Variants in MYBPC1 observed in about 807,000 individuals in gnomAD.
The protein encoded by MYBPC1 is myosin binding protein C1, also known as myosin-binding protein C, slow-type.
Under a neutral mutation model 147.1 loss-of-function variants are expected in MYBPC1, and 52 were observed. The observed-to-expected ratio is 0.35, with a 90% CI of 0.28 to 0.45. The LOEUF (loss-of-function observed/expected upper bound fraction) is 0.45, where lower values mean the gene tolerates loss of function less well. Among genes scored for constraint, MYBPC1 ranks in the 20% least tolerant of loss-of-function variants. MYBPC1 has a pLI of 1.00. For missense variants in MYBPC1, 1,228 were observed against 1,440.3 expected (o/e 0.85, Z 2.39); for synonymous variants, 477 against 475.9 (o/e 1.00, Z -0.03).
In MYBPC1 at chr12:101,642,399, C is replaced by A; in HGVS notation, c.666-20C>A. 2 of 1,613,782 alleles carry A rather than the reference C, an allele frequency of 1.2e-6. No homozygotes were observed. Among genetic ancestry groups the A allele is most frequent in the South Asian group, 2.2e-5 (2 of 90,922 alleles). Reference sequence around the variant, plus strand: ...GGGTCAGTGCAGCTACTAAACTAGACCATGGTTCTCCCCGGTTAGGGAGGT... The same window carrying A: ...GGGTCAGTGCAGCTACTAAACTAGAACATGGTTCTCCCCGGTTAGGGAGGT... On this transcript the variant is annotated intron_variant, in intron 10 of 31. Coordinates refer to ENST00000361466, the MANE Select transcript of MYBPC1 (RefSeq NM_002465.4).
chr12:101,678,017 T>A, intron 27 of MYBPC1, 85 bp from the exon 28 acceptor site: 1 of 1,506,226 alleles, frequency 6.6e-7, no homozygotes. Flanking sequence ...AGGGAAGTTT[T>A]AATCATGTGT....
chr12:101,607,857 C>T (rs531710545), intron 1 of MYBPC1, among the ~76,000 whole-genome samples: 26 of 152,082 alleles, frequency 1.7e-4, no homozygotes, highest in Non-Finnish European at 3.2e-4. Context: ...AATTTTAAGA[C>T]GTAAGATTTC....
intron 3 of MYBPC1, among the ~76,000 whole-genome samples, chr12:101,618,470 T>G (rs938532245): frequency 6.6e-6 from 1 of 152,184 alleles, no homozygotes; most frequent in African/African-American, 2.4e-5. Flanking sequence ...GCTGAAATTA[T>G]TGTAATATTA....
At chr12:101,690,226 C>T (rs928058290), downstream of MYBPC1, among the ~76,000 whole-genome samples, 9 of 151,940 alleles carry the variant, frequency 5.9e-5, no homozygotes, top group East Asian at 1.2e-3. Flanking sequence ...TCCTTAAGTT[C>T]GGAATCTGCA....
downstream of MYBPC1, among the ~76,000 whole-genome samples, chr12:101,690,987 A>C (rs774041056): frequency 1.3e-5 from 2 of 152,208 alleles, no homozygotes; most frequent in Non-Finnish European, 2.9e-5. Context: ...TGTGTAGCTA[A>C]AGCTCAGAAT....
chr12:101,685,303 T>C lies in MYBPC1; in HGVS notation c.*20-279T>C, dbSNP rs1228493946. The stretch of plus-strand genomic sequence containing the variant: ...ACCTCTCAAAGAGCAATAAATACTT[T>C]CCAACCACTTGGGAATTTAAATGAA... On this transcript the variant is annotated intron_variant, in intron 31 of 31. Coordinates refer to ENST00000361466, the MANE Select transcript of MYBPC1 (RefSeq NM_002465.4). 5.9e-5 allele frequency among the ~76,000 whole-genome samples: 9 copies of C among 152,176 alleles called. 1 individual carries two copies. Among genetic ancestry groups the C allele is most frequent in the Admixed American group, 5.9e-4 (9 of 15,276 alleles).
Position 101,684,408 on chromosome 12 carries a change from G to T in MYBPC1, c.*3G>T. 1 of 1,587,712 alleles carries T rather than the reference G, an allele frequency of 6.3e-7. No individual in the cohort carries two copies. The highest frequency in any genetic ancestry group is 8.6e-7 in the Non-Finnish European group (1 of 1,163,972). ...CATTGCACAATAAGGATTTTTGAAT[G>T]TATAATATCATCTAAGGTAAGCTTT... is the stretch of plus-strand genomic sequence containing the variant. On this transcript the variant is annotated 3_prime_UTR_variant, in exon 31 of 32. Transcript: ENST00000361466.
rs755894383 is a variant in MYBPC1 at position 101,675,385 on chromosome 12, C to T, written c.2903C>T (p.Ala968Val). The T allele has an allele frequency of 1.2e-6, 2 of 1,614,130 alleles. No individual in the cohort carries two copies. The highest frequency in any genetic ancestry group is 8.5e-7 in the Non-Finnish European group (1 of 1,180,000). Reference sequence around the variant, plus strand: ...ACTCCACCAAAGGATGATGGAAATGCTGCTATCACAGGCTATACCATTCAG... The same window carrying T: ...ACTCCACCAAAGGATGATGGAAATGTTGCTATCACAGGCTATACCATTCAG... ...TWTPPKDDGNAAITGYTIQKA... is the reference protein window; with the variant it reads ...TWTPPKDDGNVAITGYTIQKA... Residue 968 changes from alanine to valine, a missense_variant, in exon 26 of 32, where the codon GCT becomes GTT. By Grantham distance (64) the Ala-to-Val change is moderately conservative. Coordinates refer to ENST00000361466, the MANE Select transcript of MYBPC1 (RefSeq NM_002465.4).
intron 1 of MYBPC1, among the ~76,000 whole-genome samples, chr12:101,602,085 C>T (rs77124419): frequency 0.019 from 2,821 of 152,302 alleles, 85 homozygotes; most frequent in African/African-American, 0.065. Context: ...ATTCCAGCTG[C>T]ACCATAGACT....
chr12:101,607,626 CT>C (rs1318242311), intron 1 of MYBPC1, among the ~76,000 whole-genome samples: 3 of 151,976 alleles, frequency 2.0e-5, no homozygotes, highest in Non-Finnish European at 4.4e-5. Context: ...CTTCTTCTGT[CT>C]TTTTTATGCC....
At chr12:101,641,516 A>G (rs1227611255) in intron 10 of MYBPC1, among the ~76,000 whole-genome samples, 1 of 152,156 alleles carries the variant, frequency 6.6e-6, no homozygotes, top group East Asian at 1.9e-4. Flanking sequence ...TTTAACACAT[A>G]TATGTTCTTT....
At chr12:101,658,130 C>CAA (rs34952207) in intron 18 of MYBPC1, among the ~76,000 whole-genome samples, 31 of 90,406 alleles carry the variant, frequency 3.4e-4, no homozygotes, top group African/African-American at 1.0e-3. Context: ...GACTCCGTCT[C>CAA]AAAAAAAAAA....
At chr12:101,656,608 C>T (rs190965242) in intron 18 of MYBPC1, among the ~76,000 whole-genome samples, 78 of 152,114 alleles carry the variant, frequency 5.1e-4, no homozygotes, top group Non-Finnish European at 5.7e-4. Flanking sequence ...TAGAAATGAG[C>T]GTTACATAAT....
In MYBPC1 at chr12:101,661,154, A is replaced by G; in HGVS notation, c.1928-4A>G. 6.2e-7 allele frequency: 1 copy of G among 1,611,194 alleles called. No homozygotes were observed. Among genetic ancestry groups the G allele is most frequent in the East Asian group, 2.2e-5 (1 of 44,856 alleles). ...TACTTTATCCTATTTTTTGTCTGCC[A>G]CAGACTTCCCTGATCCTCCAGTGGC... On this transcript the variant is annotated splice_polypyrimidine_tract_variant and splice_region_variant and intron_variant, in intron 19 of 31. Transcript: ENST00000361466.
intron 3 of MYBPC1, among the ~76,000 whole-genome samples, chr12:101,618,201 A>G (rs544719356): frequency 5.3e-5 from 8 of 152,306 alleles, no homozygotes; most frequent in African/African-American, 1.7e-4. Flanking sequence ...CCTATACATT[A>G]GTAAAATACT....
At chr12:101,598,049 T>C (rs1878139349) in intron 1 of MYBPC1, among the ~76,000 whole-genome samples, 1 of 143,558 alleles carries the variant, frequency 7.0e-6, no homozygotes, top group Non-Finnish European at 1.5e-5. Context: ...AGACAGTATC[T>C]CACTCTGTGG....
At chr12:101,604,558 T>C (rs933307506) in intron 1 of MYBPC1, among the ~76,000 whole-genome samples, 4 of 152,178 alleles carry the variant, frequency 2.6e-5, no homozygotes, top group Non-Finnish European at 4.4e-5. Flanking sequence ...CCAGTTTGAA[T>C]AGAAACATTC....
chr12:101,687,422 C>T (rs1355381750), downstream of MYBPC1, among the ~76,000 whole-genome samples: 1 of 152,150 alleles, frequency 6.6e-6, no homozygotes, highest in Non-Finnish European at 1.5e-5. Flanking sequence ...TTTATGGCTG[C>T]ATAGTATTCC....
intron 4 of MYBPC1, 33 bp from the exon 5 acceptor site, chr12:101,627,736 C>T: frequency 6.2e-7 from 1 of 1,612,334 alleles, no homozygotes; most frequent in Non-Finnish European, 8.5e-7. Context: ...CTTTCCACCC[C>T]TCTGCATCAC....
Sources: gnomAD v4.1 joint callset for allele counts (sites outside exome capture counted in the v4.1 genomes callset) on GRCh38, gnomAD v4.1.1 for gene constraint, MANE v1.5 for transcripts, NCBI Gene and HGNC (gene_info 2026-07-23, HGNC 2026-07-21) for gene names.